The following PSD3 variants were observed in gnomAD, a reference collection of about 807,000 sequenced individuals.
The protein encoded by PSD3 is pleckstrin and Sec7 domain containing 3.
In PSD3, 49 loss-of-function variants were observed where a neutral mutation model predicts 105.5. The observed-to-expected ratio is 0.46, with a 90% confidence interval of 0.37 to 0.59. The LOEUF is 0.59. PSD3 is among the 20% of genes least tolerant of loss of function. The pLI is 0.00. For synonymous variants in PSD3, 557 were observed against 457.8 expected (o/e 1.22, Z -2.77); for missense variants, 1,561 against 1,263.8 (o/e 1.24, Z -3.57).
intron 9 of PSD3, among the ~76,000 whole-genome samples, chr8:18,665,373 G>A (rs1156836666): frequency 4.6e-5 from 7 of 152,228 alleles, no homozygotes; most frequent in Non-Finnish European, 1.0e-4. Context: ...TGCAGATGTG[G>A]TGGAAACAGT....
chr8:18,861,416 T>TA (rs1249028209), intron 4 of PSD3, among the ~76,000 whole-genome samples: 4 of 152,120 alleles, frequency 2.6e-5, no homozygotes, highest in African/African-American at 9.7e-5. Flanking sequence ...CTGCAAGTCT[T>TA]ACATCTAAAA....
chr8:18,795,561 G>A (rs1400982379), intron 8 of PSD3, among the ~76,000 whole-genome samples: 1 of 152,186 alleles, frequency 6.6e-6, no homozygotes, highest in Non-Finnish European at 1.5e-5. Flanking sequence ...TGTATCTCTT[G>A]TGACTTTCTA....
chr8:18,996,578 C>T (rs1334881342), intron 1 of PSD3, among the ~76,000 whole-genome samples: 3 of 151,812 alleles, frequency 2.0e-5, no homozygotes, highest in African/African-American at 7.3e-5. Flanking sequence ...ACCAAAGGTC[C>T]TTTGGGAATT....
intron 8 of PSD3, among the ~76,000 whole-genome samples, chr8:18,784,528 T>G (rs1380261722): frequency 6.6e-6 from 1 of 152,092 alleles, no homozygotes; most frequent in Non-Finnish European, 1.5e-5. Context: ...TCACCCCAAG[T>G]TTCGGGTGTC....
intron 1 of PSD3, 141 bp from the exon 2 acceptor site, chr8:18,936,283 T>C (rs1822128780): frequency 1.7e-6 from 1 of 591,568 alleles, no homozygotes; most frequent in Non-Finnish European, 3.0e-6. Context: ...AAATGAAACA[T>C]GAAAAGTGTA....
chr8:18,660,683 A>C (rs767286051), intron 9 of PSD3, among the ~76,000 whole-genome samples: 1 of 152,186 alleles, frequency 6.6e-6, no homozygotes, highest in Non-Finnish European at 1.5e-5. Flanking sequence ...TTGGACGAGG[A>C]AACTGCATGA....
chr8:18,827,651 G>A (rs1193238436), intron 4 of PSD3, among the ~76,000 whole-genome samples: 5 of 152,116 alleles, frequency 3.3e-5, no homozygotes, highest in African/African-American at 1.2e-4. Context: ...ACTGAAGATG[G>A]GGGTAGGTCC....
chr8:18,634,751 A>G (rs139288053), intron 10 of PSD3, among the ~76,000 whole-genome samples: 3 of 152,220 alleles, frequency 2.0e-5, no homozygotes, highest in South Asian at 2.1e-4. Context: ...GAAAGATTCC[A>G]TATAGGTGAT....
intron 9 of PSD3, among the ~76,000 whole-genome samples, chr8:18,686,354 C>A (rs908863635): frequency 6.6e-6 from 1 of 152,244 alleles, no homozygotes; most frequent in African/African-American, 2.4e-5. Flanking sequence ...CAGATTCTCG[C>A]ATGAAGTATA....
intron 10 of PSD3, among the ~76,000 whole-genome samples, chr8:18,649,807 T>G (rs1263777341): frequency 1.3e-5 from 2 of 152,172 alleles, no homozygotes; most frequent in African/African-American, 4.8e-5. Context: ...TAAGTTATTG[T>G]GAGATCTGGT....
chr8:18,971,503 G>C (rs1353279182), intron 1 of PSD3, among the ~76,000 whole-genome samples: 1 of 152,192 alleles, frequency 6.6e-6, no homozygotes. Context: ...GGGTGGGGCT[G>C]ATTGTGCTCA....
intron 1 of PSD3, among the ~76,000 whole-genome samples, chr8:19,068,703 A>C (rs1829157045): frequency 6.6e-6 from 1 of 152,002 alleles, no homozygotes; most frequent in Non-Finnish European, 1.5e-5. Context: ...TGGCACATGT[A>C]TACATATGTC....
intron 1 of PSD3, among the ~76,000 whole-genome samples, chr8:19,045,507 C>T (rs1406242756): frequency 6.6e-6 from 1 of 152,162 alleles, no homozygotes; most frequent in Admixed American, 6.5e-5. Flanking sequence ...TAAGCAACAG[C>T]ACAGATCTCT....
At chr8:18,883,964 A>G (rs892472547) in intron 2 of PSD3, among the ~76,000 whole-genome samples, 2 of 152,192 alleles carry the variant, frequency 1.3e-5, no homozygotes, top group African/African-American at 4.8e-5. Context: ...AAAACATATT[A>G]ATATTATGTT....
At chr8:18,542,980 T>C (rs571101609) in intron 15 of PSD3, among the ~76,000 whole-genome samples, 24 of 152,280 alleles carry the variant, frequency 1.6e-4, no homozygotes, top group South Asian at 8.3e-4. Context: ...ACAGGGTAAA[T>C]AGAGTTCCAG....
At chr8:18,926,398 A>C (rs2129467954) in intron 2 of PSD3, among the ~76,000 whole-genome samples, 1 of 152,014 alleles carries the variant, frequency 6.6e-6, no homozygotes, top group African/African-American at 2.4e-5. Context: ...AAGATATCTC[A>C]TTATGTATAT....
At chr8:18,730,088 C>G (rs1227765945) in intron 9 of PSD3, 1 of 152,128 alleles carries the variant, frequency 6.6e-6, no homozygotes, top group Admixed American at 6.5e-5. Flanking sequence ...AAGAAATATG[C>G]TCAAGTATTG....
At chr8:18,664,442 T>C (rs1809569252) in intron 9 of PSD3, among the ~76,000 whole-genome samples, 1 of 152,190 alleles carries the variant, frequency 6.6e-6, no homozygotes, top group African/African-American at 2.4e-5. Flanking sequence ...GACCTAACTG[T>C]CTTCCACCCT....
chr8:18,810,875 A>G (rs1586088555), intron 4 of PSD3, among the ~76,000 whole-genome samples: 1 of 152,270 alleles, frequency 6.6e-6, no homozygotes, highest in Admixed American at 6.5e-5. Flanking sequence ...GAGGGCGGGT[A>G]CAAACGCACA....
Sources: allele counts gnomAD v4.1 joint callset (sites outside exome capture counted in the v4.1 genomes callset), GRCh38; gene constraint gnomAD v4.1.1; transcripts MANE v1.5; gene names NCBI Gene and HGNC (gene_info 2026-07-23, HGNC 2026-07-21).